Variants in HRH1 observed in about 807,000 individuals in gnomAD.
The protein encoded by HRH1 is histamine H1 receptor.
HRH1 carries 6 observed loss-of-function variants against 10.3 expected under a neutral mutation model. The observed-to-expected ratio is 0.58, with a 90% CI of 0.32 to 1.15. HRH1 has a LOEUF of 1.15. Ranked by LOEUF, HRH1 falls within the 50% of genes most tolerant of loss-of-function variation. The probability of loss-of-function intolerance (pLI) is 0.05; values close to 1 mark genes in which losing one functional copy is unlikely to be tolerated. For missense variants in HRH1, 514 were observed against 615.3 expected (o/e 0.84, Z 1.74); for synonymous variants, 242 against 236.7 (o/e 1.02, Z -0.21).
chr3:11,226,989 A>G (rs1364790547), intron 1 of HRH1, among the ~76,000 whole-genome samples: 1 of 152,160 alleles, frequency 6.6e-6, no homozygotes, highest in African/African-American at 2.4e-5. Flanking sequence ...TCCTGACAAC[A>G]GTGGCCAGCC....
upstream of HRH1, among the ~76,000 whole-genome samples, chr3:11,153,695 G>GAAGAATCCTCA (rs1337348113): frequency 1.3e-5 from 2 of 152,130 alleles, no homozygotes; most frequent in Non-Finnish European, 2.9e-5. Flanking sequence ...AGGCAGCCAG[G>GAAGAATCCTCA]AAGAATCCTC....
chr3:11,149,242 A>G (rs980968901), intron 1 of HRH1, among the ~76,000 whole-genome samples: 37 of 152,216 alleles, frequency 2.4e-4, no homozygotes, highest in African/African-American at 8.2e-4. Context: ...TATATTTTTA[A>G]AAACCAGCCA....
At chr3:11,217,185 C>G (rs1367696212) in intron 1 of HRH1, among the ~76,000 whole-genome samples, 2 of 149,958 alleles carry the variant, frequency 1.3e-5, no homozygotes, top group Non-Finnish European at 3.0e-5. Flanking sequence ...GAGTCCGTCT[C>G]CAAAAACAAA....
chr3:11,143,017 G>T (rs1010339777), intron 1 of HRH1, among the ~76,000 whole-genome samples: 2 of 152,182 alleles, frequency 1.3e-5, no homozygotes, highest in African/African-American at 2.4e-5. Flanking sequence ...CCCAAGACAG[G>T]ACAAAAGCTT....
At chr3:11,153,114 T>C (rs1213408337), upstream of HRH1, among the ~76,000 whole-genome samples, 5 of 152,202 alleles carry the variant, frequency 3.3e-5, 1 homozygote, top group Admixed American at 3.3e-4. Flanking sequence ...AACAGCACCT[T>C]GGACCTTGGG....
intron 1 of HRH1, among the ~76,000 whole-genome samples, chr3:11,207,442 G>A (rs1315262360): frequency 4.6e-5 from 7 of 152,004 alleles, no homozygotes; most frequent in African/African-American, 1.2e-4. Flanking sequence ...TGGTGGCGGC[G>A]CCTGTAGTCC....
chr3:11,204,642 G>C (rs759981924), intron 1 of HRH1, among the ~76,000 whole-genome samples: 25 of 152,188 alleles, frequency 1.6e-4, no homozygotes, highest in Non-Finnish European at 3.1e-4. Flanking sequence ...AACAAACTAC[G>C]TGTTAGGTGC....
intron 1 of HRH1, among the ~76,000 whole-genome samples, chr3:11,231,547 A>G (rs1015987044): frequency 1.3e-5 from 2 of 152,138 alleles, no homozygotes; most frequent in African/African-American, 4.8e-5. Context: ...CTGTGCAGTG[A>G]TATCTCGTTG....
intron 1 of HRH1, among the ~76,000 whole-genome samples, chr3:11,162,381 G>T (rs1425016499): frequency 1.3e-5 from 2 of 151,668 alleles, no homozygotes; most frequent in African/African-American, 2.4e-5. Context: ...GGGGGTTGGG[G>T]CGATCCAGAG....
At chr3:11,236,806 C>A (rs150848407) in intron 1 of HRH1, among the ~76,000 whole-genome samples, 2 of 152,316 alleles carry the variant, frequency 1.3e-5, no homozygotes, top group African/African-American at 4.8e-5. Flanking sequence ...TGCTAAAGAG[C>A]CCCAGGTGTG....
chr3:11,214,308 G>A (rs1435937363), intron 1 of HRH1, among the ~76,000 whole-genome samples: 3 of 152,184 alleles, frequency 2.0e-5, no homozygotes, highest in Non-Finnish European at 2.9e-5. Context: ...AGTTAGTAAC[G>A]CAGTCTTCTG....
chr3:11,144,486 C>CATATAG (rs1574968663), intron 1 of HRH1, among the ~76,000 whole-genome samples: 1 of 145,680 alleles, frequency 6.9e-6, no homozygotes, highest in Non-Finnish European at 1.5e-5. Context: ...TATATATACA[C>CATATAG]ACACACACAC....
intron 1 of HRH1, among the ~76,000 whole-genome samples, chr3:11,245,926 C>T (rs1939467463): frequency 6.6e-6 from 1 of 152,002 alleles, no homozygotes; most frequent in African/African-American, 2.4e-5. Flanking sequence ...CTTAGACACT[C>T]ACACATACAC....
At position 11,210,239 on chromosome 3, in the gene HRH1, C is replaced by T. The variant is rs531720476; in HGVS notation, c.-35-48764C>T. 4.6e-5 allele frequency among the ~76,000 whole-genome samples: 7 copies of T among 151,968 alleles called. No homozygotes were observed. In the East Asian group the frequency reaches 1.4e-3, roughly 30 times the overall value. On this transcript the variant is annotated intron_variant, in intron 1 of 1. Coordinates refer to ENST00000431010, the MANE Select transcript of HRH1 (RefSeq NM_001098212.2). ...AACCCTGTCTCTACCAAAAAAGATA[C>T]AAAAATTAGCTGGGCATGGTGGTGA...
rs546022235 is a variant in HRH1, at chr3:11,259,034, G to A, written c.-4G>A. 57 of 1,580,194 alleles carry A rather than the reference G, an allele frequency of 3.6e-5. No homozygotes were observed. Among genetic ancestry groups the A allele is most frequent in the South Asian group, 4.6e-5 (4 of 86,404 alleles). The stretch of plus-strand genomic sequence containing the variant: ...AGCCATAACTGGTGGCTGCTCTTGC[G>A]CCAATGAGCCTCCCCAATTCCTCCT... On this transcript the variant is annotated 5_prime_UTR_variant, in exon 2 of 2. Coordinates refer to ENST00000431010, the MANE Select transcript of HRH1 (RefSeq NM_001098212.2). The surrounding 1 kb of genome is among the most constrained non-coding windows in gnomAD (Gnocchi z 4.6).
At chr3:11,239,136 T>A (rs1405782657) in intron 1 of HRH1, among the ~76,000 whole-genome samples, 1 of 152,246 alleles carries the variant, frequency 6.6e-6, no homozygotes, top group Non-Finnish European at 1.5e-5. Flanking sequence ...CAGCAGTGTT[T>A]CAGAGTTCTT....
At chr3:11,231,035 A>G (rs754970311) in intron 1 of HRH1, among the ~76,000 whole-genome samples, 1 of 152,166 alleles carries the variant, frequency 6.6e-6, no homozygotes, top group African/African-American at 2.4e-5. Flanking sequence ...CCCGGCAACC[A>G]CTAATCTGTT....
At chr3:11,234,998 G>A (rs1255988352) in intron 1 of HRH1, among the ~76,000 whole-genome samples, 2 of 151,950 alleles carry the variant, frequency 1.3e-5, no homozygotes, top group Non-Finnish European at 2.9e-5. Flanking sequence ...GGCGGATCAC[G>A]AGGTCAGGAG....
rs1939973485 is a variant in HRH1, at chr3:11,262,167, T to C, written c.*1666T>C. 6.0e-6 allele frequency: 1 copy of C among 167,140 alleles called. No individual in the cohort carries two copies. Among genetic ancestry groups the C allele is most frequent in the Non-Finnish European group, 1.5e-5 (1 of 68,130 alleles). The allele number at this position is 167,140 out of a possible 1,614,324, so 10.4% of individuals were successfully genotyped here. A position where few individuals can be genotyped will look rare whatever the true frequency, so the allele number is the denominator to read the frequency against. On this transcript the variant is annotated 3_prime_UTR_variant, in exon 2 of 2. Coordinates refer to ENST00000431010, the MANE Select transcript of HRH1 (RefSeq NM_001098212.2). Reference sequence around the variant, plus strand: ...TGATTTATATTTTAAAGCTTGGTGCTAAACCACAATATGTATAGCATATGG... The same window carrying C: ...TGATTTATATTTTAAAGCTTGGTGCCAAACCACAATATGTATAGCATATGG...
Sources: gnomAD v4.1 joint callset for allele counts (sites outside exome capture counted in the v4.1 genomes callset) on GRCh38, gnomAD v4.1.1 for gene constraint, Gnocchi (gnomAD v3.1) non-coding constraint, MANE v1.5 for transcripts, NCBI Gene and HGNC (gene_info 2026-07-23, HGNC 2026-07-21) for gene names.